The following SPIDR variants were observed in gnomAD, a reference collection of about 807,000 sequenced individuals.
SPIDR encodes the protein DNA repair-scaffolding protein.
Under a neutral mutation model 104.6 loss-of-function variants are expected in SPIDR, and 93 were observed. That is an observed-to-expected ratio of 0.89 (90% CI 0.75 to 1.06). The LOEUF (loss-of-function observed/expected upper bound fraction) is 1.06, where lower values mean the gene tolerates loss of function less well. Ranked by LOEUF, SPIDR falls within the 50% of genes least tolerant of loss-of-function variation. The pLI, the probability that SPIDR is intolerant of heterozygous loss-of-function variation, is 0.00. For synonymous variants in SPIDR, 431 were observed against 416.9 expected (o/e 1.03, Z -0.41); for missense variants, 1,154 against 1,111.2 (o/e 1.04, Z -0.55).
At chr8:47,357,555 A>G (rs1438644049) in intron 5 of SPIDR, among the ~76,000 whole-genome samples, 2 of 152,178 alleles carry the variant, frequency 1.3e-5, no homozygotes, top group African/African-American at 2.4e-5. Flanking sequence ...TTTTTCGTCC[A>G]TCGTTTTACT....
intron 8 of SPIDR, among the ~76,000 whole-genome samples, chr8:47,548,231 G>T (rs56807775): frequency 6.6e-6 from 1 of 152,222 alleles, no homozygotes; most frequent in Non-Finnish European, 1.5e-5. Flanking sequence ...GTATGAATTC[G>T]TGGTACATGA....
intron 5 of SPIDR, among the ~76,000 whole-genome samples, chr8:47,390,400 A>G (rs1012221217): frequency 6.6e-6 from 1 of 152,158 alleles, no homozygotes; most frequent in Non-Finnish European, 1.5e-5. Context: ...AAAAAGTGGT[A>G]TAGTCAGAAT....
chr8:47,352,003 G>A lies in SPIDR; in HGVS notation c.526-44373G>A, dbSNP rs191083180. 2.0e-5 allele frequency among the ~76,000 whole-genome samples: 3 copies of A among 152,276 alleles called. No homozygotes were observed. The East Asian group carries it at 5.8e-4, about 29-fold the overall frequency. ...TGTGTTAGAGGATAATTTGGGCTGG[G>A]CGCAGTGGCTCACGCCTGTAATCCC... On this transcript the variant is annotated intron_variant, in intron 5 of 19. Coordinates refer to ENST00000297423, the MANE Select transcript of SPIDR (RefSeq NM_001080394.4).
At chr8:47,720,762 T>C (rs1170346266) in intron 16 of SPIDR, among the ~76,000 whole-genome samples, 1 of 152,142 alleles carries the variant, frequency 6.6e-6, no homozygotes, top group Non-Finnish European at 1.5e-5. Flanking sequence ...TTCATACTTT[T>C]TTTTTTCTTT....
At chr8:47,301,776 ACT>A (rs2042128574) in intron 5 of SPIDR, among the ~76,000 whole-genome samples, 1 of 113,058 alleles carries the variant, frequency 8.8e-6, no homozygotes, top group Admixed American at 9.2e-5. Context: ...ATTGGCCCCC[ACT>A]CTCTTCTGGC....
chr8:47,398,950 G>A (rs575924036), intron 6 of SPIDR, among the ~76,000 whole-genome samples: 2 of 152,330 alleles, frequency 1.3e-5, no homozygotes, highest in Non-Finnish European at 2.9e-5. Context: ...ACGGTGAAAG[G>A]CAGGGTGTGC....
intron 8 of SPIDR, among the ~76,000 whole-genome samples, chr8:47,492,014 A>T (rs1554740178): frequency 6.6e-6 from 1 of 152,182 alleles, no homozygotes. Flanking sequence ...TCTTATGGTT[A>T]ACCATGTGAC....
chr8:47,440,752 G>C (rs2069262361), intron 8 of SPIDR, among the ~76,000 whole-genome samples: 1 of 152,138 alleles, frequency 6.6e-6, no homozygotes, highest in Admixed American at 6.5e-5. Context: ...TGATAATTTG[G>C]GGTGAGAGGG....
At chr8:47,503,180 C>G (rs1196129698) in intron 8 of SPIDR, among the ~76,000 whole-genome samples, 1 of 152,082 alleles carries the variant, frequency 6.6e-6, no homozygotes, top group African/African-American at 2.4e-5. Context: ...GAGTTCAATT[C>G]CTGAATATCC....
At chr8:47,561,930 T>C (rs2057135426) in intron 8 of SPIDR, among the ~76,000 whole-genome samples, 2 of 152,220 alleles carry the variant, frequency 1.3e-5, no homozygotes, top group South Asian at 4.1e-4. Context: ...CCACAAAATA[T>C]GTTCAAAGAA....
chr8:47,407,756 G>A (rs2075387725), intron 6 of SPIDR, 105 bp from the exon 7 acceptor site: 3 of 555,164 alleles, frequency 5.4e-6, no homozygotes, highest in South Asian at 7.1e-5. Flanking sequence ...AATTTTGCAT[G>A]TTTTATCTGT....
chr8:47,469,614 G>A (rs2075391387), intron 8 of SPIDR, among the ~76,000 whole-genome samples: 1 of 152,060 alleles, frequency 6.6e-6, no homozygotes, highest in Non-Finnish European at 1.5e-5. Context: ...ACAAACTAAT[G>A]TGTGAACAGG....
chr8:47,728,886 C>A, intron 17 of SPIDR, 47 bp from the exon 18 acceptor site: 1 of 1,569,652 alleles, frequency 6.4e-7, no homozygotes, highest in Non-Finnish European at 8.6e-7. Context: ...GCTTTCCTGA[C>A]TTGTGCCTCC....
chr8:47,284,298 C>A (rs1034089139), intron 3 of SPIDR, among the ~76,000 whole-genome samples: 1 of 152,166 alleles, frequency 6.6e-6, no homozygotes, highest in African/African-American at 2.4e-5. Flanking sequence ...TTTCTCCTGC[C>A]TGCCTACAGA....
chr8:47,688,026 T>TGTGTGTGTGTGTGTGTGTGC (rs1563546979), intron 11 of SPIDR, among the ~76,000 whole-genome samples: 1 of 151,468 alleles, frequency 6.6e-6, no homozygotes, highest in Non-Finnish European at 1.5e-5. Context: ...AGTGTGTGTG[T>TGTGTGTGTGTGTGTGTGTGC]GTGTGTGTGT....
At chr8:47,295,867 T>C (rs2040749701) in intron 5 of SPIDR, among the ~76,000 whole-genome samples, 65 of 152,282 alleles carry the variant, frequency 4.3e-4, no homozygotes, top group Non-Finnish European at 1.3e-4. Context: ...ACCTTCATAC[T>C]GTTCTCCATA....
At chr8:47,619,618 C>CTT (rs34943473) in intron 10 of SPIDR, among the ~76,000 whole-genome samples, 1 of 144,804 alleles carries the variant, frequency 6.9e-6, no homozygotes, top group African/African-American at 2.5e-5. Context: ...GTATATTACC[C>CTT]TTTTTTTTTT....
chr8:47,420,226 C>T (rs2065174908), intron 7 of SPIDR, among the ~76,000 whole-genome samples: 1 of 152,072 alleles, frequency 6.6e-6, no homozygotes, highest in Non-Finnish European at 1.5e-5. Context: ...TTTAAAGCCT[C>T]CCATTATTAT....
Position 47,728,976 on chromosome 8 carries a change from C to G in SPIDR, c.2479C>G (p.Pro827Ala), listed in dbSNP as rs1401482890. The G allele has an allele frequency of 6.2e-7, 1 of 1,613,934 alleles. No homozygotes were observed. ...GGACTGCTCCCGGGTGGTCACATCT[C>G]CTGTTCTCAAGAGGCACCTGCAGGT... ...CGDCSRVVTS[P>A]VLKRHLQVFL... Residue 827 changes from proline (P) to alanine (A), a missense_variant, in exon 18 of 20, where the codon CCT becomes GCT. By Grantham distance (27) the Pro-to-Ala change is conservative. Coordinates refer to ENST00000297423, the MANE Select transcript of SPIDR (RefSeq NM_001080394.4).
Sources: gnomAD v4.1 joint callset for allele counts (sites outside exome capture counted in the v4.1 genomes callset) on GRCh38, gnomAD v4.1.1 for gene constraint, MANE v1.5 for transcripts, NCBI Gene and HGNC (gene_info 2026-07-23, HGNC 2026-07-21) for gene names.